CELF2: variants seen among roughly 807,000 people sequenced by gnomAD.
CELF2 encodes the protein CUG triplet repeat RNA-binding protein 2.
A neutral mutation model predicts 62.6 loss-of-function variants in CELF2; 8 were observed. The observed-to-expected ratio is 0.13, with a 90% CI of 0.07 to 0.23. The LOEUF is 0.23. Among genes scored for constraint, CELF2 ranks in the 10% least tolerant of loss-of-function variants. CELF2 has a pLI of 1.00. For synonymous variants in CELF2, 258 were observed against 250.0 expected, an observed-to-expected ratio of 1.03 and a Z score of -0.30; for missense variants, 333 against 671.0, an observed-to-expected ratio of 0.50 and a Z score of 5.56.
intron 1 of CELF2, among the ~76,000 whole-genome samples, chr10:11,027,683 C>T (rs2059446747): frequency 6.6e-6 from 1 of 152,212 alleles, no homozygotes; most frequent in Admixed American, 6.5e-5. Context: ...GACATGGCTT[C>T]AGGGCCTCTC....
At chr10:11,250,111 G>T (rs1026520687) in intron 4 of CELF2, among the ~76,000 whole-genome samples, 1 of 152,208 alleles carries the variant, frequency 6.6e-6, no homozygotes, top group Non-Finnish European at 1.5e-5. Flanking sequence ...TTTGCTAATT[G>T]TAGTGCATTC....
chr10:11,248,597 A>T (rs999608308), intron 3 of CELF2, among the ~76,000 whole-genome samples: 1 of 152,258 alleles, frequency 6.6e-6, no homozygotes, highest in African/African-American at 2.4e-5. Context: ...TGTGACAAAC[A>T]TAGGATGGCC....
chr10:11,211,359 C>T lies in CELF2; in HGVS notation c.272-6066C>T, dbSNP rs2061725295. ...GCCTTTTTAAAACAGTGTCTCAGAG[C>T]ATCAAACCTTGGTTTAGAAACCTTG... On this transcript the variant is annotated intron_variant, in intron 2 of 12. Transcript: ENST00000633077. This position sits in a 1 kb window ranked among gnomAD's most constrained non-coding sequence, Gnocchi z 4.8. 6.6e-6 allele frequency among the ~76,000 whole-genome samples: 1 copy of T among 152,174 alleles called. No homozygotes were observed. The highest frequency in any genetic ancestry group is 1.5e-5 in the Non-Finnish European group (1 of 68,024).
the CELF2 span, among the ~76,000 whole-genome samples, chr10:10,750,284 G>GAA: frequency 2.7e-4 from 30 of 110,812 alleles, no homozygotes; most frequent in East Asian, 7.1e-4. Context: ...CCATCTCAAA[G>GAA]AAAAAAAAAA....
chr10:10,473,792 C>A, the CELF2 span, among the ~76,000 whole-genome samples: 1 of 152,042 alleles, frequency 6.6e-6, no homozygotes, highest in Non-Finnish European at 1.5e-5. Context: ...ACACACTAAG[C>A]TCTTGGAAGA....
chr10:11,121,584 G>A (rs1264525696), intron 1 of CELF2, among the ~76,000 whole-genome samples: 1 of 152,138 alleles, frequency 6.6e-6, no homozygotes, highest in Non-Finnish European at 1.5e-5. Flanking sequence ...ATGCACTTCA[G>A]GTGCTCCTGG....
the CELF2 span, among the ~76,000 whole-genome samples, chr10:10,555,532 T>A: frequency 6.6e-6 from 1 of 152,210 alleles, no homozygotes; most frequent in Non-Finnish European, 1.5e-5. Flanking sequence ...TGAGGATAAT[T>A]CTCACGTAAA....
At chr10:11,176,857 T>C (rs1344653509) in intron 2 of CELF2, among the ~76,000 whole-genome samples, 1 of 152,196 alleles carries the variant, frequency 6.6e-6, no homozygotes, top group Non-Finnish European at 1.5e-5. Flanking sequence ...CCTCTTGTAC[T>C]GCAAGCTACA....
intron 1 of CELF2, among the ~76,000 whole-genome samples, chr10:10,880,265 C>G (rs1438537331): frequency 6.6e-6 from 1 of 152,072 alleles, no homozygotes; most frequent in Non-Finnish European, 1.5e-5. Flanking sequence ...GAAATTTGGG[C>G]TTGGGAAGAC....
chr10:11,024,024 C>A (rs927323196), intron 1 of CELF2, among the ~76,000 whole-genome samples: 1 of 152,092 alleles, frequency 6.6e-6, no homozygotes, highest in Non-Finnish European at 1.5e-5. Flanking sequence ...ATTATTAGAC[C>A]CATTTTTTTT....
chr10:11,133,122 A>T (rs1487676477), intron 1 of CELF2, among the ~76,000 whole-genome samples: 1 of 152,202 alleles, frequency 6.6e-6, no homozygotes, highest in African/African-American at 2.4e-5. Context: ...GCATCATTTC[A>T]TCGTAAAATG....
intron 2 of CELF2, among the ~76,000 whole-genome samples, chr10:11,189,993 C>T (rs2075926812): frequency 6.6e-6 from 1 of 152,168 alleles, no homozygotes; most frequent in African/African-American, 2.4e-5. Flanking sequence ...TTGTTGACAG[C>T]TTCTCTTTGT....
chr10:10,926,344 G>A (rs969882357), intron 2 of CELF2, among the ~76,000 whole-genome samples: 2 of 152,138 alleles, frequency 1.3e-5, no homozygotes, highest in African/African-American at 4.8e-5. Flanking sequence ...CTTCTGCCAT[G>A]TGAGGACCCA....
chr10:11,308,596 A>G (rs1219846672), intron 9 of CELF2, among the ~76,000 whole-genome samples: 1 of 152,194 alleles, frequency 6.6e-6, no homozygotes, highest in Non-Finnish European at 1.5e-5. Context: ...ATTTTTTTAA[A>G]TCAGGACACA....
chr10:10,810,858 G>T (rs1590657875), intron 1 of CELF2, among the ~76,000 whole-genome samples: 1 of 152,214 alleles, frequency 6.6e-6, no homozygotes, highest in Admixed American at 6.5e-5. Flanking sequence ...TGGCTGAGAA[G>T]TTCCTATGGG....
chr10:10,849,793 G>A (rs923598860), intron 1 of CELF2, among the ~76,000 whole-genome samples: 3 of 151,882 alleles, frequency 2.0e-5, no homozygotes, highest in Non-Finnish European at 4.4e-5. Context: ...ATGTGTATAT[G>A]TATATGGATA....
At chr10:10,478,849 GA>G in the CELF2 span, among the ~76,000 whole-genome samples, 2 of 152,162 alleles carry the variant, frequency 1.3e-5, no homozygotes, top group Admixed American at 1.3e-4. Flanking sequence ...GGAAGCAACA[GA>G]ATATTTTTTC....
chr10:10,983,873 T>C lies in CELF2; in HGVS notation c.89+63874T>C, dbSNP rs1459711125. On this transcript the variant is annotated intron_variant, in intron 2 of 13. Coordinates refer to the CELF2 transcript ENST00000636488. The surrounding 1 kb of genome is among the most constrained non-coding windows in gnomAD (Gnocchi z 5.2). ...AGCTACCACGCCTGGCCGATATATC[T>C]GTTATTAATGTAGGTTTTGAAGCTT... 1.3e-5 allele frequency among the ~76,000 whole-genome samples: 2 copies of C among 152,210 alleles called. No homozygotes were observed. Among genetic ancestry groups the C allele is most frequent in the African/African-American group, 2.4e-5 (1 of 41,452 alleles).
intron 2 of CELF2, among the ~76,000 whole-genome samples, chr10:11,174,265 A>C (rs1215922857): frequency 4.6e-5 from 7 of 152,208 alleles, no homozygotes; most frequent in Admixed American, 3.9e-4. Context: ...AAACACACAC[A>C]CACAAATGGC....
Sources: gnomAD v4.1 joint callset for allele counts (sites outside exome capture counted in the v4.1 genomes callset) on GRCh38, gnomAD v4.1.1 for gene constraint, Gnocchi (gnomAD v3.1) non-coding constraint, MANE v1.5 for transcripts, NCBI Gene and HGNC (gene_info 2026-07-23, HGNC 2026-07-21) for gene names.